The following C2orf49 variants were observed in gnomAD, a reference collection of about 807,000 sequenced individuals.
C2orf49 encodes the protein tRNA-splicing ligase complex subunit ASW.
In C2orf49, 11 loss-of-function variants were observed where a neutral mutation model predicts 20.6. That is an observed-to-expected ratio of 0.53 (90% CI 0.34 to 0.88). C2orf49 has a LOEUF of 0.88. Ranked by LOEUF, C2orf49 falls within the 40% of genes least tolerant of loss-of-function variation. The pLI, the probability that C2orf49 is intolerant of heterozygous loss-of-function variation, is 0.02. For missense variants in C2orf49, 289 were observed against 274.2 expected, an observed-to-expected ratio of 1.05 and a Z score of -0.38; for synonymous variants, 134 against 108.5, an observed-to-expected ratio of 1.24 and a Z score of -1.46.
chr2:105,377,663 T>C, the C2orf49 span: 1 of 175,888 alleles, frequency 5.7e-6, no homozygotes, highest in East Asian at 1.7e-4. Context: ...GTTTTGATTG[T>C]TATGTAGCAG....
At chr2:105,363,307 A>G in the C2orf49 span, 1 of 1,614,138 alleles carries the variant, frequency 6.2e-7, no homozygotes. Flanking sequence ...TGGTGCACCC[A>G]GCACACTTCT....
At chr2:105,368,642 G>A in the C2orf49 span, among the ~76,000 whole-genome samples, 1 of 152,128 alleles carries the variant, frequency 6.6e-6, no homozygotes, top group African/African-American at 2.4e-5. Flanking sequence ...AACACTTATG[G>A]GTCACCCCTG....
downstream of C2orf49, among the ~76,000 whole-genome samples, chr2:105,349,796 C>G (rs1679895715): frequency 6.6e-6 from 1 of 152,180 alleles, no homozygotes; most frequent in Admixed American, 6.5e-5. Context: ...TCTGAAGATA[C>G]TATATTTTGA....
the C2orf49 span, chr2:105,374,023 T>G: frequency 9.3e-6 from 4 of 430,268 alleles, no homozygotes; most frequent in East Asian, 1.4e-4. Flanking sequence ...CCTTATGTAT[T>G]GCCTGCAAGA....
the C2orf49 span, among the ~76,000 whole-genome samples, chr2:105,366,706 G>T: frequency 2.6e-5 from 4 of 152,180 alleles, no homozygotes; most frequent in Non-Finnish European, 4.4e-5. Flanking sequence ...ACAGAGCCAT[G>T]ACTGGAATAG....
chr2:105,385,624 A>G, the C2orf49 span, among the ~76,000 whole-genome samples: 1 of 152,190 alleles, frequency 6.6e-6, no homozygotes, highest in Non-Finnish European at 1.5e-5. Flanking sequence ...GGAGTGTTTT[A>G]GAAGCCGTTT....
chr2:105,383,375 C>T, the C2orf49 span, among the ~76,000 whole-genome samples: 7 of 152,208 alleles, frequency 4.6e-5, no homozygotes, highest in African/African-American at 1.4e-4. Flanking sequence ...ATTACACTGG[C>T]CATACAAATC....
chr2:105,363,169 C>G, the C2orf49 span: 1 of 964,228 alleles, frequency 1.0e-6, no homozygotes, highest in Non-Finnish European at 1.6e-6. Context: ...CTGCTGTGTT[C>G]AGAGCCTTAG....
intron 3 of C2orf49, 81 bp downstream of exon 3, chr2:105,343,304 G>A (rs894185842): frequency 1.0e-5 from 14 of 1,392,070 alleles, no homozygotes; most frequent in East Asian, 2.3e-5. Flanking sequence ...GAGGTGGGTC[G>A]ACTGTGCTAC....
chr2:105,377,948 G>A, the C2orf49 span: 1 of 426,718 alleles, frequency 2.3e-6, no homozygotes, highest in Non-Finnish European at 4.8e-6. Flanking sequence ...AGTGACAAGA[G>A]AGGGAAGAGA....
At chr2:105,344,469 T>A (rs1361643383) in intron 3 of C2orf49, among the ~76,000 whole-genome samples, 1 of 151,148 alleles carries the variant, frequency 6.6e-6, no homozygotes, top group East Asian at 1.9e-4. Context: ...AGAGAGAGAG[T>A]GTGAGAGAGC....
At chr2:105,339,998 G>A (rs999753669) in intron 2 of C2orf49, among the ~76,000 whole-genome samples, 12 of 152,196 alleles carry the variant, frequency 7.9e-5, no homozygotes, top group African/African-American at 2.9e-4. Context: ...CAGGGAGAAA[G>A]ATTACAATTT....
the C2orf49 span, among the ~76,000 whole-genome samples, chr2:105,367,153 G>A: frequency 1.3e-5 from 2 of 151,998 alleles, no homozygotes; most frequent in South Asian, 2.1e-4. Context: ...TCTCACATCC[G>A]TCTCTCTCTC....
chr2:105,337,592 CG>C lies in C2orf49; in HGVS notation c.10del (p.Asp4MetfsTer33), dbSNP rs1679534288. 3.1e-6 allele frequency: 5 copies of C among 1,613,100 alleles called. No homozygotes were observed. Among genetic ancestry groups the C allele is most frequent in the Non-Finnish European group, 4.2e-6 (5 of 1,179,882 alleles). ...TGGGGTCTCCTGGCGACGACCATGG[CG>C]GGGGATGTGGGCGGTCGCAGCTGCA... M[A>X]GDVGGRSCTD... On this transcript the variant is annotated frameshift_variant, in exon 1 of 4. Transcript: ENST00000258457. LOFTEE classifies it high-confidence loss of function.
the C2orf49 span, chr2:105,377,932 G>T: frequency 4.7e-5 from 19 of 408,104 alleles, no homozygotes; most frequent in East Asian, 5.0e-4. Context: ...GGGGTGGCAA[G>T]TTATCAGTGA....
At chr2:105,358,288 G>C in the C2orf49 span, 3 of 152,254 alleles carry the variant, frequency 2.0e-5, no homozygotes, top group Non-Finnish European at 4.4e-5. Context: ...GATCTCCTCT[G>C]GGGGCTGGAC....
chr2:105,363,325 C>G, the C2orf49 span: 1 of 1,614,198 alleles, frequency 6.2e-7, no homozygotes, highest in African/African-American at 1.3e-5. Flanking sequence ...TCTTGGCATA[C>G]AAGTCACAGA....
In C2orf49 at chr2:105,349,188, G is replaced by A. The variant is rs1679883284; in HGVS notation, c.*3817G>A. 1 of 152,220 alleles carries A rather than the reference G, an allele frequency of 6.6e-6. No individual in the cohort carries two copies. The highest frequency in any genetic ancestry group is 1.5e-5 in the Non-Finnish European group (1 of 68,038). 9.4% of individuals were successfully genotyped at this position (152,220 alleles called of 1,614,324 possible). A position where few individuals can be genotyped will look rare whatever the true frequency, so the allele number is the denominator to read the frequency against. On this transcript the variant is annotated 3_prime_UTR_variant, in exon 4 of 4. Transcript: ENST00000258457. Reference sequence around the variant, plus strand: ...ATTATTATATTTGGAGACTGATGCTGTAAATTAAATAACTTGGAAAAGACT... The same window carrying A: ...ATTATTATATTTGGAGACTGATGCTATAAATTAAATAACTTGGAAAAGACT...
chr2:105,352,429 G>GTTTTTTTTTTTTTTTTTTTTTGTTT (rs61585149), downstream of C2orf49, among the ~76,000 whole-genome samples: 10 of 80,756 alleles, frequency 1.2e-4, no homozygotes, highest in Admixed American at 1.9e-4. Context: ...GTTTGTTTGG[G>GTTTTTTTTTTTTTTTTTTTTTGTTT]TTTTTTTTTT....
Sources: gnomAD v4.1 joint callset for allele counts (sites outside exome capture counted in the v4.1 genomes callset) on GRCh38, gnomAD v4.1.1 for gene constraint, MANE v1.5 for transcripts, NCBI Gene and HGNC (gene_info 2026-07-23, HGNC 2026-07-21) for gene names.